The following BRIP1 variants were observed in gnomAD, a reference collection of about 807,000 sequenced individuals.
BRIP1 encodes the protein BRCA1 interacting DNA helicase 1.
A neutral mutation model predicts 119.7 loss-of-function variants in BRIP1; 88 were observed. The observed-to-expected ratio is 0.74, with a 90% CI of 0.62 to 0.88. The LOEUF (loss-of-function observed/expected upper bound fraction) is 0.88. Among genes scored for constraint, BRIP1 ranks in the 40% least tolerant of loss-of-function variants. The pLI is 0.00. For synonymous variants in BRIP1, 443 were observed against 496.5 expected (o/e 0.89, Z 1.43); for missense variants, 1,259 against 1,455.4 (o/e 0.87, Z 2.20).
chr17:61,808,180 G>C lies in BRIP1; in HGVS notation c.918+287C>G, dbSNP rs907253404. Among the ~76,000 whole-genome samples, 1 of 152,074 alleles carries C rather than the reference G, an allele frequency of 6.6e-6. No homozygotes were observed. Among genetic ancestry groups the C allele is most frequent in the Non-Finnish European group, 1.5e-5 (1 of 67,996 alleles). On this transcript the variant is annotated intron_variant, in intron 7 of 19. Transcript: ENST00000259008. The surrounding 1 kb of genome is among the most constrained non-coding windows in gnomAD (Gnocchi z 4.1). ...TCCTCATATGATATCATCCAAGTTT[G>C]ACTATTTTTGGTAGCAGGATTTAAA...
In BRIP1 at chr17:61,713,195, A is replaced by G. The variant is rs2061806154; in HGVS notation, c.2492+2756T>C. On this transcript the variant is annotated intron_variant, in intron 17 of 19. Coordinates refer to ENST00000259008, the MANE Select transcript of BRIP1 (RefSeq NM_032043.3). This position sits in a 1 kb window ranked among gnomAD's most constrained non-coding sequence, Gnocchi z 4.9. ...GCTGCTAGTCTTATAAAAGTATAGCACATACAATTATGTATGGTATATAAT... is the reference window on the plus strand; with the variant it reads ...GCTGCTAGTCTTATAAAAGTATAGCGCATACAATTATGTATGGTATATAAT... 6.6e-6 allele frequency among the ~76,000 whole-genome samples: 1 copy of G among 152,192 alleles called. No individual in the cohort carries two copies. The highest frequency in any genetic ancestry group is 2.1e-4 in the South Asian group (1 of 4,832).
chr17:61,679,141 T>C lies in BRIP1; in HGVS notation c.*4155A>G, dbSNP rs1281571440. 6.6e-6 allele frequency among the ~76,000 whole-genome samples: 1 copy of C among 152,202 alleles called. No individual in the cohort carries two copies. Among genetic ancestry groups the C allele is most frequent in the African/African-American group, 2.4e-5 (1 of 41,444 alleles). On this transcript the variant is annotated 3_prime_UTR_variant, in exon 20 of 20. Transcript: ENST00000259008. This position sits in a 1 kb window ranked among gnomAD's most constrained non-coding sequence, Gnocchi z 4.4. ...GTAAGCAGCCCTAAAGAATTAAATA[T>C]TTTAAATGCGTTTTAATATAGGAAA... is the stretch of plus-strand genomic sequence containing the variant.
In BRIP1 at chr17:61,739,897, T is replaced by C. The variant is rs1418959410; in HGVS notation, c.2379+3116A>G. Among the ~76,000 whole-genome samples the C allele has an allele frequency of 1.3e-5, 2 of 152,166 alleles. No individual in the cohort carries two copies. Among genetic ancestry groups the C allele is most frequent in the African/African-American group, 4.8e-5 (2 of 41,454 alleles). On this transcript the variant is annotated intron_variant, in intron 16 of 19. Transcript: ENST00000259008. This position sits in a 1 kb window ranked among gnomAD's most constrained non-coding sequence, Gnocchi z 6.0. ...TTACTATAGTTTTTCAAATATATTG[T>C]TTAGGAAACAGTCAGTGATAATGAG...
rs2145317581 is a variant in BRIP1 at position 61,799,954 on chromosome 17, A to C, written c.1141-655T>G. On this transcript the variant is annotated intron_variant, in intron 8 of 19. Transcript: ENST00000259008. This position sits in a 1 kb window ranked among gnomAD's most constrained non-coding sequence, Gnocchi z 5.1. Reference sequence around the variant, plus strand: ...GGGGTAAGGCCCAGGATTGTCAGTTAAATAGAGTATTCCATCCTTCTGTGG... The same window carrying C: ...GGGGTAAGGCCCAGGATTGTCAGTTCAATAGAGTATTCCATCCTTCTGTGG... 6.9e-6 allele frequency among the ~76,000 whole-genome samples: 1 copy of C among 145,052 alleles called. No homozygotes were observed. The highest frequency in any genetic ancestry group is 1.9e-4 in the East Asian group (1 of 5,164).
Position 61,815,701 on chromosome 17 carries a change from C to A in BRIP1, c.628-6944G>T, listed in dbSNP as rs1567843757. Reference sequence around the variant, plus strand: ...TTTGTGGAGAAGTTGAAATTCATAACCTTAAATCTTTAAAGTGAAGCTTTA... The same window carrying A: ...TTTGTGGAGAAGTTGAAATTCATAAACTTAAATCTTTAAAGTGAAGCTTTA... On this transcript the variant is annotated intron_variant, in intron 6 of 19. Transcript: ENST00000259008. This position sits in a 1 kb window ranked among gnomAD's most constrained non-coding sequence, Gnocchi z 4.1. 1.3e-5 allele frequency among the ~76,000 whole-genome samples: 2 copies of A among 152,148 alleles called. No homozygotes were observed. The highest frequency in any genetic ancestry group is 4.8e-5 in the African/African-American group (2 of 41,434).
chr17:61,707,536 A>T (rs1242074553), intron 17 of BRIP1, among the ~76,000 whole-genome samples: 1 of 151,970 alleles, frequency 6.6e-6, no homozygotes, highest in Non-Finnish European at 1.5e-5. Flanking sequence ...GAAGTTGGTT[A>T]TTGCATACTG....
chr17:61,803,655 AAAAT>A lies in BRIP1; in HGVS notation c.919-2185_919-2182del, dbSNP rs2078029547. Among the ~76,000 whole-genome samples the A allele has an allele frequency of 6.6e-6, 1 of 152,196 alleles. No individual in the cohort carries two copies. The highest frequency in any genetic ancestry group is 2.1e-4 in the South Asian group (1 of 4,832). The stretch of plus-strand genomic sequence containing the variant: ...AATACTCATTATGTGCATTAATAAA[AAAAT>A]AAAATGTTTGATAAAACCCAGCCCT... On this transcript the variant is annotated intron_variant, in intron 7 of 19. Coordinates refer to ENST00000259008, the MANE Select transcript of BRIP1 (RefSeq NM_032043.3). The surrounding 1 kb of genome is among the most constrained non-coding windows in gnomAD (Gnocchi z 4.3).
chr17:61,825,678 GAAT>G lies in BRIP1; in HGVS notation c.628-16924_628-16922del, dbSNP rs913993868. Among the ~76,000 whole-genome samples the G allele has an allele frequency of 2.7e-5, 4 of 150,190 alleles. No individual in the cohort carries two copies. Among genetic ancestry groups the G allele is most frequent in the African/African-American group, 9.8e-5 (4 of 40,822 alleles). On this transcript the variant is annotated intron_variant, in intron 6 of 19. Coordinates refer to ENST00000259008, the MANE Select transcript of BRIP1 (RefSeq NM_032043.3). The surrounding 1 kb of genome is among the most constrained non-coding windows in gnomAD (Gnocchi z 4.1). ...ATAAATAAATAAATAAAATAACTGG[GAAT>G]ACAACTAACCAGGTAGGTGAAAGAT...
At position 61,717,828 on chromosome 17, in the gene BRIP1, T is replaced by C. The variant is rs914268678; in HGVS notation, c.2380-1765A>G. 1.3e-5 allele frequency among the ~76,000 whole-genome samples: 2 copies of C among 152,152 alleles called. No individual in the cohort carries two copies. Among genetic ancestry groups the C allele is most frequent in the Non-Finnish European group, 2.9e-5 (2 of 68,006 alleles). On this transcript the variant is annotated intron_variant, in intron 16 of 19. Coordinates refer to ENST00000259008, the MANE Select transcript of BRIP1 (RefSeq NM_032043.3). This position sits in a 1 kb window ranked among gnomAD's most constrained non-coding sequence, Gnocchi z 4.1. ...ACTATATTAGACTACTTTATATTAC[T>C]CCACATGTCACTGACCCTCTTTTTT...
In BRIP1 at chr17:61,723,162, T is replaced by C. The variant is rs1433706489; in HGVS notation, c.2380-7099A>G. The stretch of plus-strand genomic sequence containing the variant: ...ATCAGAATCTATTTCATTGTACACT[T>C]AGGGATTATCAAGCATGAAAATCAA... On this transcript the variant is annotated intron_variant, in intron 16 of 19. Coordinates refer to ENST00000259008, the MANE Select transcript of BRIP1 (RefSeq NM_032043.3). 2.0e-5 allele frequency among the ~76,000 whole-genome samples: 3 copies of C among 152,304 alleles called. No homozygotes were observed. The East Asian group carries it at 5.8e-4, about 29-fold the overall frequency.
intron 17 of BRIP1, among the ~76,000 whole-genome samples, chr17:61,697,297 A>T (rs1363615586): frequency 8.0e-6 from 1 of 124,492 alleles, no homozygotes; most frequent in Non-Finnish European, 1.6e-5. Flanking sequence ...AGATCATGCC[A>T]TTGCACTCCA....
rs2077532129 is a variant in BRIP1, at chr17:61,776,383, C to T, written c.2097+18G>A. On this transcript the variant is annotated intron_variant, in intron 14 of 19. Coordinates refer to ENST00000259008, the MANE Select transcript of BRIP1 (RefSeq NM_032043.3). The surrounding 1 kb of genome is among the most constrained non-coding windows in gnomAD (Gnocchi z 5.0). ...AATGATTATTTAAAGGCAAAAGAAA[C>T]AATAAATATTCCCTTACCTTGTAAG... 1 of 1,613,434 alleles carries T rather than the reference C, an allele frequency of 6.2e-7. No homozygotes were observed. The highest frequency in any genetic ancestry group is 8.5e-7 in the Non-Finnish European group (1 of 1,179,442).
rs1318972742 is a variant in BRIP1, at chr17:61,680,771, G to A, written c.*2525C>T. Among the ~76,000 whole-genome samples the A allele has an allele frequency of 6.6e-6, 1 of 152,116 alleles. No individual in the cohort carries two copies. The highest frequency in any genetic ancestry group is 1.5e-5 in the Non-Finnish European group (1 of 68,020). On this transcript the variant is annotated 3_prime_UTR_variant, in exon 20 of 20. Transcript: ENST00000259008. ...TGGGATTACAGGCGTGAGCCACCGC[G>A]CCTGGCCCTAAAGGTAATTTTAAAA...
In BRIP1 at chr17:61,679,246, T is replaced by G. The variant is rs2061248024; in HGVS notation, c.*4050A>C. Among the ~76,000 whole-genome samples, 1 of 152,190 alleles carries G rather than the reference T, an allele frequency of 6.6e-6. No homozygotes were observed. Among genetic ancestry groups the G allele is most frequent in the Admixed American group, 6.6e-5 (1 of 15,266 alleles). On this transcript the variant is annotated 3_prime_UTR_variant, in exon 20 of 20. Coordinates refer to ENST00000259008, the MANE Select transcript of BRIP1 (RefSeq NM_032043.3). The surrounding 1 kb of genome is among the most constrained non-coding windows in gnomAD (Gnocchi z 4.4). ...AATTAATGTTTTGAATAGAAAGATC[T>G]TAACAACAAAGCCTTATAGAAACTT...
chr17:61,741,501 G>A (rs1008956107), intron 16 of BRIP1, among the ~76,000 whole-genome samples: 1 of 152,170 alleles, frequency 6.6e-6, no homozygotes, highest in African/African-American at 2.4e-5. Flanking sequence ...TTATAGCCTC[G>A]TGAAATGTAC....
rs1276588429 is a variant in BRIP1 at position 61,803,015 on chromosome 17, G to A, written c.919-1541C>T. On this transcript the variant is annotated intron_variant, in intron 7 of 19. Coordinates refer to ENST00000259008, the MANE Select transcript of BRIP1 (RefSeq NM_032043.3). The surrounding 1 kb of genome is among the most constrained non-coding windows in gnomAD (Gnocchi z 4.3). ...TTCTAGCAAAGTTTAACATAGTGTT[G>A]TATGAATAGTCTAACAAGGTTCAAT... 6.6e-6 allele frequency among the ~76,000 whole-genome samples: 1 copy of A among 151,654 alleles called. No individual in the cohort carries two copies. Among genetic ancestry groups the A allele is most frequent in the African/African-American group, 2.4e-5 (1 of 41,278 alleles).
rs751364886 is a variant in BRIP1, at chr17:61,761,004, C to T, written c.2097+15397G>A. On this transcript the variant is annotated intron_variant, in intron 14 of 19. Transcript: ENST00000259008. This position sits in a 1 kb window ranked among gnomAD's most constrained non-coding sequence, Gnocchi z 6.4. ...TGATAAATAGAAAAGCAAAAATCCT[C>T]AACAAAATACTAGCAAACCAAATTC... 1.2e-4 allele frequency among the ~76,000 whole-genome samples: 19 copies of T among 152,094 alleles called. No individual in the cohort carries two copies. Among genetic ancestry groups the T allele is most frequent in the Non-Finnish European group, 1.9e-4 (13 of 67,912 alleles).
rs1042719689 is a variant in BRIP1, at chr17:61,739,174, T to C, written c.2379+3839A>G. The C allele has an allele frequency of 5.5e-6, 1 of 182,970 alleles. No homozygotes were observed. The highest frequency in any genetic ancestry group is 2.0e-4 in the South Asian group (1 of 5,082). 11.3% of individuals were successfully genotyped at this position (182,970 alleles called of 1,614,324 possible). A position where few individuals can be genotyped will look rare whatever the true frequency, so the allele number is the denominator to read the frequency against. ...CAGCCTTAGTGCAATAATGTAGAGC[T>C]AGAGTAAAATGATAAGACATTAAAA... On this transcript the variant is annotated intron_variant, in intron 16 of 19. Transcript: ENST00000259008. This position sits in a 1 kb window ranked among gnomAD's most constrained non-coding sequence, Gnocchi z 6.0.
rs972124392 is a variant in BRIP1, at chr17:61,695,844, C to G, written c.2493-2332G>C. ...CTTGTAACCTGAAACCTTGCTGAAC[C>G]TATCAGTTCTGTTATTTTAAAAATG... On this transcript the variant is annotated intron_variant, in intron 17 of 19. Transcript: ENST00000259008. The surrounding 1 kb of genome is among the most constrained non-coding windows in gnomAD (Gnocchi z 4.3). Among the ~76,000 whole-genome samples, 1 of 152,016 alleles carries G rather than the reference C, an allele frequency of 6.6e-6. No individual in the cohort carries two copies. Among genetic ancestry groups the G allele is most frequent in the East Asian group, 1.9e-4 (1 of 5,198 alleles).
Sources: gnomAD v4.1 joint callset for allele counts (sites outside exome capture counted in the v4.1 genomes callset) on GRCh38, gnomAD v4.1.1 for gene constraint, Gnocchi (gnomAD v3.1) non-coding constraint, MANE v1.5 for transcripts, NCBI Gene and HGNC (gene_info 2026-07-23, HGNC 2026-07-21) for gene names.